Variants in TNRC6B observed in about 807,000 individuals in gnomAD.
The protein encoded by TNRC6B is trinucleotide repeat containing adaptor 6B, also known as trinucleotide repeat-containing gene 6B protein.
TNRC6B carries 52 observed loss-of-function variants against 203.6 expected under a neutral mutation model. The observed-to-expected ratio is 0.26, with a 90% confidence interval of 0.20 to 0.32. TNRC6B has a LOEUF of 0.32. TNRC6B is among the 10% of genes least tolerant of loss of function. The pLI, the probability that TNRC6B is intolerant of heterozygous loss-of-function variation, is 1.00. For synonymous variants in TNRC6B, 838 were observed against 845.7 expected (o/e 0.99, Z 0.16); for missense variants, 1,923 against 2,286.2 (o/e 0.84, Z 3.24).
At chr22:40,318,382 C>G (rs2071288204) in intron 21 of TNRC6B, among the ~76,000 whole-genome samples, 2 of 151,988 alleles carry the variant, frequency 1.3e-5, no homozygotes, top group African/African-American at 4.8e-5. Context: ...CCCATCTTTA[C>G]TAAAAATACA....
intron 1 of TNRC6B, among the ~76,000 whole-genome samples, chr22:40,046,699 T>C (rs1014237652): frequency 1.3e-5 from 2 of 148,746 alleles, no homozygotes; most frequent in African/African-American, 2.5e-5. Flanking sequence ...GGCTGGAGTG[T>C]AGTGGCACAA....
intron 1 of TNRC6B, among the ~76,000 whole-genome samples, chr22:40,244,606 T>C (rs542003805): frequency 3.9e-5 from 6 of 152,350 alleles, no homozygotes; most frequent in Admixed American, 6.5e-5. Flanking sequence ...GAACCATCTT[T>C]ATGATTTTGC....
At chr22:40,302,142 A>G (rs1389716226) in intron 15 of TNRC6B, among the ~76,000 whole-genome samples, 3 of 152,232 alleles carry the variant, frequency 2.0e-5, no homozygotes, top group African/African-American at 4.8e-5. Context: ...AACATTCTTC[A>G]AGAATTTTTT....
intron 1 of TNRC6B, among the ~76,000 whole-genome samples, chr22:40,073,311 G>T (rs959029308): frequency 2.0e-5 from 3 of 152,116 alleles, no homozygotes; most frequent in East Asian, 1.9e-4. Flanking sequence ...TGAAGGTCAA[G>T]AACTCTTTGT....
At chr22:40,112,428 C>T (rs909799772) in intron 1 of TNRC6B, among the ~76,000 whole-genome samples, 11 of 152,112 alleles carry the variant, frequency 7.2e-5, no homozygotes, top group African/African-American at 2.7e-4. Context: ...AGCTTTTCAC[C>T]GTCTCACCCA....
chr22:40,047,223 T>G (rs569842199), intron 1 of TNRC6B, among the ~76,000 whole-genome samples: 9 of 152,230 alleles, frequency 5.9e-5, no homozygotes, highest in African/African-American at 2.2e-4. Flanking sequence ...CCTTGAATTA[T>G]CAGAGGGAGA....
At chr22:40,151,045 A>T (rs1049982454) in intron 3 of TNRC6B, among the ~76,000 whole-genome samples, 9 of 152,228 alleles carry the variant, frequency 5.9e-5, no homozygotes, top group Non-Finnish European at 1.3e-4. Flanking sequence ...AAATCTATGA[A>T]TGAAAGATGG....
At chr22:40,142,540 A>G (rs1345338127) in intron 3 of TNRC6B, among the ~76,000 whole-genome samples, 1 of 152,198 alleles carries the variant, frequency 6.6e-6, no homozygotes, top group African/African-American at 2.4e-5. Flanking sequence ...CGTGTAGCAG[A>G]AAGGAGAGAA....
intron 3 of TNRC6B, among the ~76,000 whole-genome samples, chr22:40,139,446 C>T (rs569405504): frequency 6.6e-6 from 1 of 151,708 alleles, no homozygotes; most frequent in Admixed American, 6.6e-5. Context: ...ATTCTCCTGC[C>T]TCACCCTCCT....
At chr22:40,189,346 G>C (rs887879304) in intron 1 of TNRC6B, among the ~76,000 whole-genome samples, 1 of 152,118 alleles carries the variant, frequency 6.6e-6, no homozygotes, top group Non-Finnish European at 1.5e-5. Context: ...AAGCCTCATG[G>C]AAAACACTGC....
At chr22:40,245,235 A>G (rs1379456062) in intron 1 of TNRC6B, among the ~76,000 whole-genome samples, 1 of 151,736 alleles carries the variant, frequency 6.6e-6, no homozygotes, top group African/African-American at 2.4e-5. Context: ...GGACTACAGG[A>G]GCATGCCACC....
At chr22:40,212,151 T>C (rs1427307189) in intron 1 of TNRC6B, among the ~76,000 whole-genome samples, 2 of 152,238 alleles carry the variant, frequency 1.3e-5, no homozygotes, top group African/African-American at 4.8e-5. Flanking sequence ...TTAGTTGTAC[T>C]TAAGGCTTCA....
intron 1 of TNRC6B, among the ~76,000 whole-genome samples, chr22:40,183,460 C>A (rs1444337589): frequency 6.6e-6 from 1 of 152,170 alleles, no homozygotes; most frequent in African/African-American, 2.4e-5. Context: ...GATGTCGTCT[C>A]TTCATAACTC....
At chr22:40,138,462 C>T (rs9611273) in intron 3 of TNRC6B, among the ~76,000 whole-genome samples, 43,695 of 151,894 alleles carry the variant, frequency 0.29, 7,248 homozygotes, top group African/African-American at 0.44. Flanking sequence ...GACGGGGTTT[C>T]GCTATGTTGG....
chr22:40,146,795 C>A (rs376375554), intron 3 of TNRC6B, among the ~76,000 whole-genome samples: 2 of 151,924 alleles, frequency 1.3e-5, no homozygotes, highest in East Asian at 3.9e-4. Context: ...GAACTCCTGA[C>A]CTCACATAAT....
chr22:40,075,516 T>G (rs565102805), intron 1 of TNRC6B, among the ~76,000 whole-genome samples: 4 of 152,096 alleles, frequency 2.6e-5, no homozygotes, highest in Non-Finnish European at 5.9e-5. Context: ...GTGTCTTTAT[T>G]TTTTTAATGA....
chr22:40,158,053 A>T (rs2068833914), intron 4 of TNRC6B, among the ~76,000 whole-genome samples: 1 of 152,078 alleles, frequency 6.6e-6, no homozygotes, highest in South Asian at 2.1e-4. Context: ...AATAAGAGGG[A>T]GTAGGCCAGG....
Position 40,266,971 on chromosome 22 carries a change from C to T in TNRC6B, c.2741C>T (p.Ser914Phe), listed in dbSNP as rs776278427. The T allele has an allele frequency of 6.2e-7, 1 of 1,612,764 alleles. No individual in the cohort carries two copies. Among genetic ancestry groups the T allele is most frequent in the Non-Finnish European group, 8.5e-7 (1 of 1,179,368 alleles). Residue 914 changes from serine (S) to phenylalanine (F), a missense_variant, in exon 5 of 23, where the codon TCC (serine) becomes TTC (phenylalanine). Physicochemically the swap from Ser to Phe is radical, Grantham distance 155 (BLOSUM62 -2). Coordinates refer to ENST00000454349, the MANE Select transcript of TNRC6B (RefSeq NM_001162501.2). ...AATGTGAATCTGTGGGATAAGAATT[C>T]CCAAGGGGGCCCAGCACCTCGAGAA... ...YKNVNLWDKN[S>F]QGGPAPREPN...
Position 40,266,480 on chromosome 22 carries a change from G to A in TNRC6B, c.2250G>A (p.Gly750=), listed in dbSNP as rs2070481960. Residue 750 remains glycine, a synonymous_variant, in exon 5 of 23, where the codon GGG becomes GGA. Transcript: ENST00000454349. ...QGWSSGKNGW[G]EEVDQTKNSN... is the part of the protein sequence containing the mutation. Reference sequence around the variant, plus strand: ...GGTCTTCTGGAAAGAATGGTTGGGGGGAGGAAGTCGATCAGACAAAAAACA... The same window carrying A: ...GGTCTTCTGGAAAGAATGGTTGGGGAGAGGAAGTCGATCAGACAAAAAACA... 2 of 1,613,656 alleles carry A rather than the reference G, an allele frequency of 1.2e-6. No individual in the cohort carries two copies. The highest frequency in any genetic ancestry group is 1.3e-5 in the African/African-American group (1 of 74,918).
Sources: allele counts gnomAD v4.1 joint callset (sites outside exome capture counted in the v4.1 genomes callset), GRCh38; gene constraint gnomAD v4.1.1; transcripts MANE v1.5; gene names NCBI Gene and HGNC (gene_info 2026-07-23, HGNC 2026-07-21).